The following SEC61A2 variants were observed in gnomAD, a reference collection of about 807,000 sequenced individuals.
SEC61A2 encodes SEC61 translocon subunit alpha 2.
A neutral mutation model predicts 59.9 loss-of-function variants in SEC61A2; 28 were observed. The ratio of observed to expected loss-of-function variants is 0.47; its 90% CI spans 0.35 to 0.64. The LOEUF (loss-of-function observed/expected upper bound fraction) is 0.64, where lower values mean the gene tolerates loss of function less well. SEC61A2 is among the 30% of genes least tolerant of loss of function. The probability of loss-of-function intolerance (pLI) is 0.01; values close to 1 mark genes in which losing one functional copy is unlikely to be tolerated. For missense variants in SEC61A2, 340 were observed against 585.9 expected, an observed-to-expected ratio of 0.58 and a Z score of 4.33; for synonymous variants, 202 against 214.4, an observed-to-expected ratio of 0.94 and a Z score of 0.50.
At chr10:12,157,790 T>C (rs1403845528) in intron 8 of SEC61A2, 118 bp from the exon 9 acceptor site, 7 of 924,034 alleles carry the variant, frequency 7.6e-6, no homozygotes, top group East Asian at 5.2e-5. Flanking sequence ...CCTGAGCCCC[T>C]GTGCCCGGCC....
At position 12,164,305 on chromosome 10, in the gene SEC61A2, A is replaced by G. The variant is rs1834610402; in HGVS notation, c.1282A>G (p.Ile428Val). The G allele has an allele frequency of 1.2e-6, 2 of 1,613,614 alleles. No homozygotes were observed. The highest frequency in any genetic ancestry group is 2.2e-5 in the East Asian group (1 of 44,896). Residue 428 changes from isoleucine to valine, a missense_variant, in exon 12 of 12, where the codon ATT becomes GTT. By Grantham distance (29) the Ile-to-Val change is conservative. Around this residue, in one of 3 missense-constraint regions of SEC61A2, gnomAD observed 283 missense variants for 483.2 expected, o/e 0.59. Coordinates refer to ENST00000298428, the MANE Select transcript of SEC61A2 (RefSeq NM_018144.4). The surrounding 1 kb of genome is among the most constrained non-coding windows in gnomAD (Gnocchi z 7.3). ...CGCAGCTGCGTTTGGCGGTTTGTGC[A>G]TTGGCGCCCTGTCAGTGCTGGCTGA... The part of the protein sequence containing the change: ...PTAAAFGGLC[I>V]GALSVLADFL...
rs767307365 is a variant in SEC61A2 at position 12,152,782 on chromosome 10, A to ATTTG, written c.462+2822_462+2825dup. 6.1e-4 allele frequency among the ~76,000 whole-genome samples: 93 copies of ATTTG among 152,176 alleles called. No individual in the cohort carries two copies. Among genetic ancestry groups the ATTTG allele is most frequent in the Non-Finnish European group, 1.2e-3 (80 of 67,978 alleles). On this transcript the variant is annotated intron_variant, in intron 6 of 11. Coordinates refer to ENST00000298428, the MANE Select transcript of SEC61A2 (RefSeq NM_018144.4). This position sits in a 1 kb window ranked among gnomAD's most constrained non-coding sequence, Gnocchi z 5.5. ...GTGGCAGGAGCCTGTAGTCCCAGCT[A>ATTTG]TTTGGGAGGCTGAGGCCGAACCCAG...
chr10:12,166,461 A>AC (rs1204615319), downstream of SEC61A2: 1 of 236,764 alleles, frequency 4.2e-6, no homozygotes, highest in Non-Finnish European at 8.7e-6. Flanking sequence ...TATTTCCATA[A>AC]TTGTTTTATC....
Position 12,157,085 on chromosome 10 carries a change from A to G in SEC61A2, c.777+18A>G. 6.2e-7 allele frequency: 1 copy of G among 1,606,770 alleles called. No individual in the cohort carries two copies. Among genetic ancestry groups the G allele is most frequent in the Non-Finnish European group, 8.5e-7 (1 of 1,176,248 alleles). On this transcript the variant is annotated intron_variant, in intron 8 of 11. Coordinates refer to ENST00000298428, the MANE Select transcript of SEC61A2 (RefSeq NM_018144.4). ...ATTTCCAAGTAAGTATAACCTTTTC[A>G]CCAAAGTAAGTGGGATGTAGATTTT...
intron 11 of SEC61A2, among the ~76,000 whole-genome samples, chr10:12,163,557 A>G (rs1420274809): frequency 6.6e-6 from 1 of 151,818 alleles, no homozygotes; most frequent in African/African-American, 2.4e-5. Flanking sequence ...CTTCTGATCT[A>G]ATCATCCACC....
At chr10:12,130,016 G>A (rs1833694533) in intron 1 of SEC61A2, among the ~76,000 whole-genome samples, 1 of 152,190 alleles carries the variant, frequency 6.6e-6, no homozygotes, top group African/African-American at 2.4e-5. Context: ...CGGGGTTTGC[G>A]TTTGATAGAG....
In SEC61A2 at chr10:12,162,673, C is replaced by T. The variant is rs1477204695; in HGVS notation, c.1244+384C>T. Among the ~76,000 whole-genome samples, 13 of 152,158 alleles carry T rather than the reference C, an allele frequency of 8.5e-5. No homozygotes were observed. The highest frequency in any genetic ancestry group is 7.9e-4 in the Admixed American group (12 of 15,264). On this transcript the variant is annotated intron_variant, in intron 11 of 11. Coordinates refer to ENST00000298428, the MANE Select transcript of SEC61A2 (RefSeq NM_018144.4). This position sits in a 1 kb window ranked among gnomAD's most constrained non-coding sequence, Gnocchi z 6.1. Reference sequence around the variant, plus strand: ...GCTTTATTGAGATAAAATTCAGATACCATGTAATTCACTCACTTGAAGTAT... The same window carrying T: ...GCTTTATTGAGATAAAATTCAGATATCATGTAATTCACTCACTTGAAGTAT...
At chr10:12,151,733 G>A (rs905122907) in intron 6 of SEC61A2, among the ~76,000 whole-genome samples, 1 of 152,144 alleles carries the variant, frequency 6.6e-6, no homozygotes, top group Non-Finnish European at 1.5e-5. Context: ...AGACTGGCAT[G>A]GTTGAGCATT....
rs1833679573 is a variant in SEC61A2 at position 12,129,689 on chromosome 10, G to A, written c.-99G>A. 2.5e-6 allele frequency: 3 copies of A among 1,207,066 alleles called. No individual in the cohort carries two copies. The South Asian group carries it at 4.2e-5, about 17-fold the overall frequency. 74.8% of individuals were successfully genotyped at this position (1,207,066 alleles called of 1,614,324 possible). On this transcript the variant is annotated 5_prime_UTR_variant, in exon 1 of 12. Transcript: ENST00000298428. This position sits in a 1 kb window ranked among gnomAD's most constrained non-coding sequence, Gnocchi z 5.6. The stretch of plus-strand genomic sequence containing the variant: ...GGGCGGAGCCTGCGCGGGGCCGGTA[G>A]GATCGCGTCGGGAGCCGGTACCGAG...
chr10:12,133,293 G>T lies in SEC61A2; in HGVS notation c.60G>T (p.Gln20His). 6.4e-7 allele frequency: 1 copy of T among 1,560,812 alleles called. No individual in the cohort carries two copies. The highest frequency in any genetic ancestry group is 8.8e-7 in the Non-Finnish European group (1 of 1,134,718). ...KPFCAVLPEI[Q>H]KPERKIQFRE... ...TCTGTGCAGTTCTACCAGAAATTCA[G>T]AAACCGGAAAGGAAAGTAAGTATAA... is the stretch of plus-strand genomic sequence containing the variant. The change falls in exon 2 of 12, where the codon CAG (glutamine) becomes CAT (histidine). Residue 20 changes from glutamine (Q) to histidine (H), a missense_variant. Gln to His is a conservative substitution (Grantham distance 24). This residue lies in a region of SEC61A2 where 41 missense variants were observed against 47.6 expected (regional missense o/e 0.86). Coordinates refer to ENST00000298428, the MANE Select transcript of SEC61A2 (RefSeq NM_018144.4).
At position 12,153,380 on chromosome 10, in the gene SEC61A2, A is replaced by G. The variant is rs1473787739; in HGVS notation, c.463-2398A>G. Reference sequence around the variant, plus strand: ...ACTGGCATGTAGCTCGTAGAACATTATACATCAAGAAAAGCTCTCTAGTAT... The same window carrying G: ...ACTGGCATGTAGCTCGTAGAACATTGTACATCAAGAAAAGCTCTCTAGTAT... On this transcript the variant is annotated intron_variant, in intron 6 of 11. Coordinates refer to ENST00000298428, the MANE Select transcript of SEC61A2 (RefSeq NM_018144.4). The surrounding 1 kb of genome is among the most constrained non-coding windows in gnomAD (Gnocchi z 5.2). Among the ~76,000 whole-genome samples, 1 of 152,210 alleles carries G rather than the reference A, an allele frequency of 6.6e-6. No homozygotes were observed. Among genetic ancestry groups the G allele is most frequent in the Non-Finnish European group, 1.5e-5 (1 of 68,036 alleles).
At chr10:12,163,497 G>T (rs1301049608) in intron 11 of SEC61A2, among the ~76,000 whole-genome samples, 1 of 151,614 alleles carries the variant, frequency 6.6e-6, no homozygotes, top group Non-Finnish European at 1.5e-5. Flanking sequence ...GCTAATTTTT[G>T]TATTTTTAGT....
chr10:12,161,501 G>A lies in SEC61A2; in HGVS notation c.1167+380G>A, dbSNP rs367632646. ...TTCACGCCTGTAATCCCAGCACTTC[G>A]GGAGGCCGAGGTGGGCAGATCCCAT... On this transcript the variant is annotated intron_variant, in intron 10 of 11. Coordinates refer to ENST00000298428, the MANE Select transcript of SEC61A2 (RefSeq NM_018144.4). The surrounding 1 kb of genome is among the most constrained non-coding windows in gnomAD (Gnocchi z 5.4). 4.6e-5 allele frequency among the ~76,000 whole-genome samples: 7 copies of A among 152,160 alleles called. No homozygotes were observed. The East Asian group carries it at 1.2e-3, about 25-fold the overall frequency.
At position 12,155,388 on chromosome 10, in the gene SEC61A2, C is replaced by CT; in HGVS notation, c.463-385dup. Reference sequence around the variant, plus strand: ...TGCTATTATACCAGAATTCATCTGACTTTTTACTTCCTTGGAGGTATTTGG... The same window carrying CT: ...TGCTATTATACCAGAATTCATCTGACTTTTTTACTTCCTTGGAGGTATTTGG... On this transcript the variant is annotated intron_variant, in intron 6 of 11. Transcript: ENST00000298428. The surrounding 1 kb of genome is among the most constrained non-coding windows in gnomAD (Gnocchi z 4.3). 1.3e-6 allele frequency: 2 copies of CT among 1,523,346 alleles called. No homozygotes were observed. The highest frequency in any genetic ancestry group is 1.8e-6 in the Non-Finnish European group (2 of 1,133,552). The allele number at this position is 1,523,346 out of a possible 1,614,324, so 94.4% of individuals were successfully genotyped here. A position where few individuals can be genotyped will look rare whatever the true frequency, so the allele number is the denominator to read the frequency against.
chr10:12,161,243 A>G lies in SEC61A2; in HGVS notation c.1167+122A>G. On this transcript the variant is annotated intron_variant, in intron 10 of 11. Transcript: ENST00000298428. This position sits in a 1 kb window ranked among gnomAD's most constrained non-coding sequence, Gnocchi z 5.4. ...GCTTCACCTCAGGAGTTTTGAGACC[A>G]GCCTGGGCAACATAGCGAGACCCCG... 1.4e-6 allele frequency: 1 copy of G among 718,830 alleles called. No homozygotes were observed. Among genetic ancestry groups the G allele is most frequent in the Non-Finnish European group, 2.2e-6 (1 of 449,126 alleles). The allele number at this position is 718,830 out of a possible 1,614,324, so 44.5% of individuals were successfully genotyped here.
At chr10:12,141,353 A>G (rs941449232) in intron 3 of SEC61A2, among the ~76,000 whole-genome samples, 1 of 152,246 alleles carries the variant, frequency 6.6e-6, no homozygotes, top group Non-Finnish European at 1.5e-5. Flanking sequence ...AATTGCTGCC[A>G]GCATCTTTTG....
chr10:12,129,725 C>G lies in SEC61A2; in HGVS notation c.-63C>G. The G allele has an allele frequency of 6.8e-7, 1 of 1,465,132 alleles. No homozygotes were observed. Among genetic ancestry groups the G allele is most frequent in the Non-Finnish European group, 9.0e-7 (1 of 1,106,464 alleles). 90.8% of individuals were successfully genotyped at this position (1,465,132 alleles called of 1,614,324 possible). On this transcript the variant is annotated 5_prime_UTR_variant, in exon 1 of 12. Coordinates refer to ENST00000298428, the MANE Select transcript of SEC61A2 (RefSeq NM_018144.4). This position sits in a 1 kb window ranked among gnomAD's most constrained non-coding sequence, Gnocchi z 5.6. ...GGAGCCGGTACCGAGGCCCGAGCCG[C>G]GGGAGTCGAGCGAAGGCAGCGCCGA... is the stretch of plus-strand genomic sequence containing the variant.
chr10:12,155,861 T>C lies in SEC61A2; in HGVS notation c.546T>C (p.Phe182=). The change falls in exon 7 of 12, where the codon TTT becomes TTC. Residue 182 remains phenylalanine, a synonymous_variant. Coordinates refer to ENST00000298428, the MANE Select transcript of SEC61A2 (RefSeq NM_018144.4). The surrounding 1 kb of genome is among the most constrained non-coding windows in gnomAD (Gnocchi z 4.3). The part of the protein sequence containing the change: ...GYGLGSGISL[F]IATNICETIV... The stretch of plus-strand genomic sequence containing the variant: ...GCTTGGGGTCTGGGATTTCCCTCTT[T>C]ATTGCCACCAACATCTGTGAGACCA... 1 of 1,614,228 alleles carries C rather than the reference T, an allele frequency of 6.2e-7. No homozygotes were observed. The highest frequency in any genetic ancestry group is 8.5e-7 in the Non-Finnish European group (1 of 1,180,028).
At chr10:12,165,470 G>A, downstream of SEC61A2, 1 of 577,838 alleles carries the variant, frequency 1.7e-6, no homozygotes, top group Non-Finnish European at 2.2e-6. Flanking sequence ...TGAGATGCCT[G>A]TAAAAGTCAA....
Sources: allele counts gnomAD v4.1 joint callset (sites outside exome capture counted in the v4.1 genomes callset), GRCh38; gene constraint gnomAD v4.1.1; regional missense constraint gnomAD v4.1.1; non-coding constraint Gnocchi (gnomAD v3.1); transcripts MANE v1.5; gene names NCBI Gene and HGNC (gene_info 2026-07-23, HGNC 2026-07-21).